ARID1B: variants seen among roughly 807,000 people sequenced by gnomAD.
The protein encoded by ARID1B is AT-rich interaction domain 1B.
Under a neutral mutation model 212.3 loss-of-function variants are expected in ARID1B, and 30 were observed. That is an observed-to-expected ratio of 0.14 (90% CI 0.11 to 0.19). The LOEUF is 0.19. Among genes scored for constraint, ARID1B ranks in the 10% least tolerant of loss-of-function variants. The pLI, the probability that ARID1B is intolerant of heterozygous loss-of-function variation, is 1.00. For synonymous variants in ARID1B, 1,402 were observed against 1,301.7 expected, an observed-to-expected ratio of 1.08 and a Z score of -1.66; for missense variants, 2,891 against 3,204.0, an observed-to-expected ratio of 0.90 and a Z score of 2.36.
chr6:157,001,021 C>T (rs1160529789), intron 4 of ARID1B, among the ~76,000 whole-genome samples: 1 of 152,092 alleles, frequency 6.6e-6, no homozygotes, highest in Non-Finnish European at 1.5e-5. Context: ...ATAAAGCATG[C>T]CCAGGTTAGA....
chr6:156,890,763 T>C (rs1202451543), intron 2 of ARID1B, among the ~76,000 whole-genome samples: 1 of 152,212 alleles, frequency 6.6e-6, no homozygotes, highest in African/African-American at 2.4e-5. Flanking sequence ...AGAAGCCAGA[T>C]AGAATTGGAG....
At chr6:156,934,297 G>C (rs367741371) in intron 3 of ARID1B, among the ~76,000 whole-genome samples, 1 of 139,502 alleles carries the variant, frequency 7.2e-6, no homozygotes, top group African/African-American at 2.9e-5. Context: ...AGAATGTTTA[G>C]TAGCTGAGCA....
In ARID1B at chr6:157,156,785, C is replaced by T. The variant is rs1206280921; in HGVS notation, c.3089+7834C>T. Among the ~76,000 whole-genome samples, 5 of 152,292 alleles carry T rather than the reference C, an allele frequency of 3.3e-5. 1 individual carries two copies. Among genetic ancestry groups the T allele is most frequent in the African/African-American group, 9.6e-5 (4 of 41,568 alleles). On this transcript the variant is annotated intron_variant, in intron 8 of 19. Coordinates refer to ENST00000636930, the MANE Select transcript of ARID1B (RefSeq NM_001374828.1). ...GTCTGAGGGGGGCCTCAGAGATAAC[C>T]GCCACTGCAGAGCACGGAGGCAGCA...
At chr6:157,115,843 T>G (rs567425140) in intron 6 of ARID1B, among the ~76,000 whole-genome samples, 1 of 152,358 alleles carries the variant, frequency 6.6e-6, no homozygotes, top group African/African-American at 2.4e-5. Flanking sequence ...TATTCTGTTG[T>G]AACACATTTG....
chr6:156,940,041 C>T (rs1178256821), intron 4 of ARID1B: 1 of 152,144 alleles, frequency 6.6e-6, no homozygotes, highest in African/African-American at 2.4e-5. Flanking sequence ...TGTTAATATT[C>T]CTCAGTTTAA....
chr6:157,207,349 G>A lies in ARID1B; in HGVS notation c.6577G>A (p.Val2193Met), dbSNP rs1322624757. The A allele has an allele frequency of 6.2e-7, 1 of 1,614,174 alleles. No homozygotes were observed. The highest frequency in any genetic ancestry group is 8.5e-7 in the Non-Finnish European group (1 of 1,180,036). ...SAEAQDPFPT[V>M]GPNSVLSPQR... ...AGAGGCACAAGATCCCTTTCCAACT[G>A]TGGGACCCAACTCGGTCCTGTCGCC... The change falls in exon 20 of 20, where the codon GTG (valine) becomes ATG (methionine). Residue 2193 changes from valine to methionine, a missense_variant. Physicochemically the swap from Val to Met is conservative, Grantham distance 21. Coordinates refer to ENST00000636930, the MANE Select transcript of ARID1B (RefSeq NM_001374828.1). This position sits in a 1 kb window ranked among gnomAD's most constrained non-coding sequence, Gnocchi z 8.5.
At chr6:157,085,704 TAAAA>T (rs201399506) in intron 5 of ARID1B, among the ~76,000 whole-genome samples, 11 of 145,586 alleles carry the variant, frequency 7.6e-5, no homozygotes, top group African/African-American at 2.7e-4. Context: ...TCTTTTATAT[TAAAA>T]AAAAAAAGTG....
intron 4 of ARID1B, among the ~76,000 whole-genome samples, chr6:157,062,661 C>T (rs1783413547): frequency 6.6e-6 from 1 of 150,538 alleles, no homozygotes; most frequent in Non-Finnish European, 1.5e-5. Flanking sequence ...TTGTTTCATA[C>T]AAAGTGTCTG....
At chr6:157,123,095 T>G (rs2128554824) in intron 6 of ARID1B, among the ~76,000 whole-genome samples, 1 of 152,296 alleles carries the variant, frequency 6.6e-6, no homozygotes, top group South Asian at 2.1e-4. Flanking sequence ...CCATGGGTGC[T>G]TGAGATCCCA....
In ARID1B at chr6:156,915,342, G is replaced by A. The variant is rs1048608936; in HGVS notation, c.2136+13817G>A. Among the ~76,000 whole-genome samples the A allele has an allele frequency of 4.6e-5, 7 of 151,770 alleles. No homozygotes were observed. The East Asian group carries it at 9.7e-4, about 21-fold the overall frequency. On this transcript the variant is annotated intron_variant, in intron 3 of 19. Coordinates refer to ENST00000636930, the MANE Select transcript of ARID1B (RefSeq NM_001374828.1). Reference sequence around the variant, plus strand: ...AGCCCTTTGGGAAGCTGAGGTGGGTGGATCACCTGAGGTCAGAAGTTCGAG... The same window carrying A: ...AGCCCTTTGGGAAGCTGAGGTGGGTAGATCACCTGAGGTCAGAAGTTCGAG...
chr6:157,086,306 C>G (rs759853493), intron 5 of ARID1B, among the ~76,000 whole-genome samples: 3 of 152,118 alleles, frequency 2.0e-5, no homozygotes, highest in African/African-American at 4.8e-5. Flanking sequence ...ATCTTTCTTT[C>G]AAAGATATAT....
At chr6:156,993,516 A>G (rs1397417458) in intron 4 of ARID1B, among the ~76,000 whole-genome samples, 2 of 152,210 alleles carry the variant, frequency 1.3e-5, no homozygotes, top group African/African-American at 4.8e-5. Flanking sequence ...TAGTTTACAG[A>G]TAGACGTGAT....
At chr6:156,975,640 A>G (rs1301956782) in intron 4 of ARID1B, among the ~76,000 whole-genome samples, 2 of 108,134 alleles carry the variant, frequency 1.8e-5, no homozygotes, top group African/African-American at 7.3e-5. Flanking sequence ...TCAGTTCCTT[A>G]AAGATACTGG....
intron 4 of ARID1B, among the ~76,000 whole-genome samples, chr6:156,991,958 CAAAGA>C: frequency 6.6e-6 from 1 of 152,198 alleles, no homozygotes; most frequent in Non-Finnish European, 1.5e-5. Context: ...AATTTAATAA[CAAAGA>C]AAACATTTTT....
At chr6:156,909,859 T>C (rs1351924922) in intron 3 of ARID1B, among the ~76,000 whole-genome samples, 1 of 152,214 alleles carries the variant, frequency 6.6e-6, no homozygotes, top group Non-Finnish European at 1.5e-5. Context: ...TGATCCTCCT[T>C]TTGAGCGAAG....
At chr6:156,871,967 T>G (rs1350900289) in intron 2 of ARID1B, among the ~76,000 whole-genome samples, 1 of 152,228 alleles carries the variant, frequency 6.6e-6, no homozygotes, top group Non-Finnish European at 1.5e-5. Context: ...CTCTTTCTGT[T>G]TTTCTCCATG....
At chr6:156,992,145 G>A (rs1362153999) in intron 4 of ARID1B, among the ~76,000 whole-genome samples, 1 of 152,176 alleles carries the variant, frequency 6.6e-6, no homozygotes. Context: ...GTACAGGGTA[G>A]TATGTCAATG....
intron 1 of ARID1B, among the ~76,000 whole-genome samples, chr6:156,809,548 A>G (rs894307314): frequency 2.6e-5 from 4 of 152,116 alleles, no homozygotes; most frequent in African/African-American, 9.7e-5. Context: ...AACTTAATAA[A>G]CAGGATTTTA....
At position 157,176,515 on chromosome 6, in the gene ARID1B, T is replaced by A. The variant is rs554097475; in HGVS notation, c.3504+1510T>A. Among the ~76,000 whole-genome samples, 5 of 152,258 alleles carry A rather than the reference T, an allele frequency of 3.3e-5. No homozygotes were observed. The South Asian group carries it at 1.0e-3, about 32-fold the overall frequency. On this transcript the variant is annotated intron_variant, in intron 11 of 19. Coordinates refer to ENST00000636930, the MANE Select transcript of ARID1B (RefSeq NM_001374828.1). ...TTTGTGTGTTGGCCCAGAGGGAGAATTTCAGAGGTTAAAAATAATAATCTT... is the reference window on the plus strand; with the variant it reads ...TTTGTGTGTTGGCCCAGAGGGAGAAATTCAGAGGTTAAAAATAATAATCTT...
Sources: gnomAD v4.1 joint callset for allele counts (sites outside exome capture counted in the v4.1 genomes callset) on GRCh38, gnomAD v4.1.1 for gene constraint, Gnocchi (gnomAD v3.1) non-coding constraint, MANE v1.5 for transcripts, NCBI Gene and HGNC (gene_info 2026-07-23, HGNC 2026-07-21) for gene names.